IKZF2: variants seen among roughly 807,000 people sequenced by gnomAD.
The protein encoded by IKZF2 is zinc finger protein Helios.
A neutral mutation model predicts 49.2 loss-of-function variants in IKZF2; 15 were observed. The observed-to-expected ratio is 0.30, with a 90% CI of 0.20 to 0.47. IKZF2 has a LOEUF of 0.47. Among genes scored for constraint, IKZF2 ranks in the 20% least tolerant of loss-of-function variants. The probability of loss-of-function intolerance (pLI) is 1.00; values close to 1 mark genes in which losing one functional copy is unlikely to be tolerated. For synonymous variants in IKZF2, 227 were observed against 221.4 expected (o/e 1.03, Z -0.23); for missense variants, 567 against 664.6 (o/e 0.85, Z 1.61).
intron 5 of IKZF2, among the ~76,000 whole-genome samples, chr2:213,054,875 C>G (rs932552107): frequency 6.6e-6 from 1 of 152,050 alleles, no homozygotes; most frequent in African/African-American, 2.4e-5. Context: ...AATAATTCAA[C>G]TCTACCACAC....
At chr2:213,106,057 T>A (rs1324741525) in intron 4 of IKZF2, among the ~76,000 whole-genome samples, 5 of 152,194 alleles carry the variant, frequency 3.3e-5, no homozygotes, top group African/African-American at 1.2e-4. Context: ...CAAAATTAAG[T>A]GATTCCATTT....
chr2:213,054,638 C>T (rs1001832604), intron 5 of IKZF2, among the ~76,000 whole-genome samples: 5 of 152,014 alleles, frequency 3.3e-5, no homozygotes, highest in African/African-American at 7.2e-5. Flanking sequence ...ACAGCTTCTC[C>T]GTAAATGGCT....
intron 4 of IKZF2, among the ~76,000 whole-genome samples, chr2:213,134,124 A>G (rs901762244): frequency 1.3e-5 from 2 of 152,248 alleles, no homozygotes; most frequent in African/African-American, 4.8e-5. Flanking sequence ...TATGATCTCA[A>G]GAAAGTCTTC....
Position 213,125,719 on chromosome 2 carries a change from T to C in IKZF2, c.139+21989A>G, listed in dbSNP as rs981469327. 2.0e-5 allele frequency among the ~76,000 whole-genome samples: 3 copies of C among 151,890 alleles called. No homozygotes were observed. In the East Asian group the frequency reaches 5.8e-4, roughly 29 times the overall value. ...CAATGTCTACATAATAACAAAAACA[T>C]AGAAACAACCTAAATGTCCAACAGT... is the stretch of plus-strand genomic sequence containing the variant. On this transcript the variant is annotated intron_variant, in intron 4 of 8. Coordinates refer to ENST00000434687, the MANE Select transcript of IKZF2 (RefSeq NM_001387220.1).
chr2:213,069,132 C>T (rs116628481), intron 4 of IKZF2, among the ~76,000 whole-genome samples: 2,143 of 152,164 alleles, frequency 0.014, 61 homozygotes, highest in African/African-American at 0.049. Context: ...TCCTCCCCAT[C>T]TGGGACTAAG....
Position 213,000,484 on chromosome 2 carries a change from T to C in IKZF2, c.*6876A>G, listed in dbSNP as rs1355973032. The C allele has an allele frequency of 2.0e-5, 3 of 151,700 alleles. No individual in the cohort carries two copies. Among genetic ancestry groups the C allele is most frequent in the Admixed American group, 6.6e-5 (1 of 15,132 alleles). 9.4% of individuals were successfully genotyped at this position (151,700 alleles called of 1,614,324 possible). On this transcript the variant is annotated 3_prime_UTR_variant, in exon 9 of 9. Transcript: ENST00000434687. ...ATGGCCAAGACACATACTGTACAAA[T>C]GCAGAAATGCAGTAACTGCCTTTAA...
intron 4 of IKZF2, among the ~76,000 whole-genome samples, chr2:213,126,530 C>T (rs944521964): frequency 6.6e-6 from 1 of 151,930 alleles, no homozygotes; most frequent in South Asian, 2.1e-4. Context: ...TAATAAATCA[C>T]CTCCAGATTA....
At chr2:213,072,096 A>G (rs1422272452) in intron 4 of IKZF2, among the ~76,000 whole-genome samples, 1 of 152,088 alleles carries the variant, frequency 6.6e-6, no homozygotes, top group African/African-American at 2.4e-5. Context: ...ATGTTGCCAT[A>G]TTATCAGTCT....
At chr2:213,056,091 CA>C (rs1221960538) in intron 5 of IKZF2, among the ~76,000 whole-genome samples, 1 of 151,998 alleles carries the variant, frequency 6.6e-6, no homozygotes, top group Admixed American at 6.6e-5. Context: ...AAAAAATTGG[CA>C]AAGGGTTTAA....
intron 8 of IKZF2, among the ~76,000 whole-genome samples, chr2:213,008,659 T>C (rs940891165): frequency 1.3e-5 from 2 of 152,134 alleles, no homozygotes; most frequent in African/African-American, 4.8e-5. Flanking sequence ...CATATTTTCA[T>C]TTTCTTTTAA....
At chr2:213,061,773 C>T (rs576178977) in intron 4 of IKZF2, among the ~76,000 whole-genome samples, 2 of 151,306 alleles carry the variant, frequency 1.3e-5, no homozygotes, top group African/African-American at 4.8e-5. Flanking sequence ...ATAAGTAACC[C>T]ATATTAACAC....
chr2:213,000,252 T>TTATATATATATA lies in IKZF2; in HGVS notation c.*7096_*7107dup, dbSNP rs3044171. ...TGGAATTTTAACTTTACATATATATTTATATATATATATATATATTTCTTT... is the reference window on the plus strand; with the variant it reads ...TGGAATTTTAACTTTACATATATATTTATATATATATATATATATATATATATATATTTCTTT... On this transcript the variant is annotated 3_prime_UTR_variant, in exon 9 of 9. Coordinates refer to ENST00000434687, the MANE Select transcript of IKZF2 (RefSeq NM_001387220.1). 20 of 142,962 alleles carry TTATATATATATA rather than the reference T, an allele frequency of 1.4e-4. No homozygotes were observed. The highest frequency in any genetic ancestry group is 4.8e-4 in the African/African-American group (19 of 39,582). The allele number at this position is 142,962 out of a possible 1,614,324, so 8.9% of individuals were successfully genotyped here.
chr2:213,150,278 GT>G (rs1202672454), intron 1 of IKZF2, 31 bp from the exon 2 acceptor site: 1 of 857,348 alleles, frequency 1.2e-6, no homozygotes, highest in Admixed American at 2.4e-5. Context: ...AAAGAAAGAA[GT>G]TTTTTGTGTT....
At chr2:213,150,451 A>AT (rs2061242125) in intron 1 of IKZF2, 1 of 133,584 alleles carries the variant, frequency 7.5e-6, no homozygotes, top group Non-Finnish European at 1.7e-5. Context: ...AGAGAAGAAC[A>AT]CCCCCCTCCT....
At chr2:213,141,751 A>G (rs1360446749) in intron 4 of IKZF2, among the ~76,000 whole-genome samples, 2 of 151,892 alleles carry the variant, frequency 1.3e-5, no homozygotes, top group Non-Finnish European at 2.9e-5. Context: ...TGTCTGTCCC[A>G]CTAGAGTATG....
chr2:213,041,159 A>C (rs905755096), intron 6 of IKZF2, among the ~76,000 whole-genome samples: 5 of 152,180 alleles, frequency 3.3e-5, no homozygotes, highest in Non-Finnish European at 7.4e-5. Flanking sequence ...TTAAAAGTTC[A>C]CATGAAGCAA....
chr2:213,074,712 T>C (rs992275795), intron 4 of IKZF2, among the ~76,000 whole-genome samples: 4 of 152,200 alleles, frequency 2.6e-5, no homozygotes, highest in African/African-American at 9.6e-5. Context: ...ATCTAGATTC[T>C]GTTCTGTACT....
chr2:213,046,029 T>C (rs1381773881), intron 6 of IKZF2, among the ~76,000 whole-genome samples: 3 of 152,174 alleles, frequency 2.0e-5, no homozygotes, highest in Non-Finnish European at 4.4e-5. Context: ...TCTCTGTCAA[T>C]GGAAGCCTCA....
chr2:213,152,027 CG>C (rs2061298769), upstream of IKZF2: 1 of 152,220 alleles, frequency 6.6e-6, no homozygotes, highest in South Asian at 2.1e-4. Flanking sequence ...CGTTGGTCCC[CG>C]GACTGCGGAC....
Sources: gnomAD v4.1 joint callset for allele counts (sites outside exome capture counted in the v4.1 genomes callset) on GRCh38, gnomAD v4.1.1 for gene constraint, MANE v1.5 for transcripts, NCBI Gene and HGNC (gene_info 2026-07-23, HGNC 2026-07-21) for gene names.